The following PGM5 variants were observed in gnomAD, a reference collection of about 807,000 sequenced individuals.
PGM5 encodes the protein phosphoglucomutase 5.
A neutral mutation model predicts 59.2 loss-of-function variants in PGM5; 23 were observed. The ratio of observed to expected loss-of-function variants is 0.39; its 90% confidence interval spans 0.28 to 0.55. PGM5 has a LOEUF of 0.55. Among genes scored for constraint, PGM5 ranks in the 20% least tolerant of loss-of-function variants. The probability of loss-of-function intolerance (pLI) is 0.66; values close to 1 mark genes in which losing one functional copy is unlikely to be tolerated. For missense variants in PGM5, 574 were observed against 748.3 expected, an observed-to-expected ratio of 0.77 and a Z score of 2.72; for synonymous variants, 214 against 286.0, an observed-to-expected ratio of 0.75 and a Z score of 2.54.
intron 10 of PGM5, among the ~76,000 whole-genome samples, chr9:68,517,769 G>A (rs568672513): frequency 6.6e-6 from 1 of 152,252 alleles, no homozygotes; most frequent in South Asian, 2.1e-4. Context: ...TAGTAGTGGT[G>A]GACTAGGTGA....
chr9:68,429,260 G>T (rs1823302827), intron 6 of PGM5: 1 of 152,172 alleles, frequency 6.6e-6, no homozygotes, highest in Non-Finnish European at 1.5e-5. Context: ...TTAATTCTCT[G>T]CTTCGGATAT....
In PGM5 at chr9:68,387,708, T is replaced by C. The variant is rs542074588; in HGVS notation, c.697+120T>C. The C allele has an allele frequency of 5.3e-6, 5 of 942,576 alleles. No homozygotes were observed. In the South Asian group the frequency reaches 6.8e-5, roughly 13 times the overall value. The allele number at this position is 942,576 out of a possible 1,614,324, so 58.4% of individuals were successfully genotyped here. A position where few individuals can be genotyped will look rare whatever the true frequency, so the allele number is the denominator to read the frequency against. ...AGATATTCACACAACATGTGTATGTTCAGATATTTGGAATGCTCTGGAAAA... is the reference window on the plus strand; with the variant it reads ...AGATATTCACACAACATGTGTATGTCCAGATATTTGGAATGCTCTGGAAAA... On this transcript the variant is annotated intron_variant, in intron 4 of 10. Coordinates refer to ENST00000396396, the MANE Select transcript of PGM5 (RefSeq NM_021965.4).
In PGM5 at chr9:68,529,931, T is replaced by G. The variant is rs890974625; in HGVS notation, c.*275T>G. 1.4e-5 allele frequency: 4 copies of G among 292,554 alleles called. No homozygotes were observed. The highest frequency in any genetic ancestry group is 2.3e-5 in the African/African-American group (1 of 44,262). 18.1% of individuals were successfully genotyped at this position (292,554 alleles called of 1,614,324 possible). On this transcript the variant is annotated 3_prime_UTR_variant, in exon 11 of 11. Transcript: ENST00000396396. ...TATCACACAAAGGAACCTCCCCTTT[T>G]GACAACAACTGGGCTAGGCAGCTGT...
intron 10 of PGM5, among the ~76,000 whole-genome samples, chr9:68,515,556 T>C (rs1238906927): frequency 6.6e-6 from 1 of 152,220 alleles, no homozygotes; most frequent in Non-Finnish European, 1.5e-5. Context: ...GCAACTGCAA[T>C]CTGATTGTAC....
intron 10 of PGM5, among the ~76,000 whole-genome samples, chr9:68,525,402 C>T (rs975591180): frequency 3.3e-5 from 5 of 152,150 alleles, no homozygotes; most frequent in Non-Finnish European, 5.9e-5. Flanking sequence ...CTGTCATGCA[C>T]GGCGTAGTGA....
chr9:68,364,707 G>A (rs1199256720), intron 1 of PGM5, among the ~76,000 whole-genome samples: 2 of 152,064 alleles, frequency 1.3e-5, no homozygotes, highest in African/African-American at 4.8e-5. Flanking sequence ...AAACTTACAG[G>A]AGCCCTTGGC....
chr9:68,528,321 T>C (rs562344760), intron 10 of PGM5, among the ~76,000 whole-genome samples: 1 of 152,218 alleles, frequency 6.6e-6, no homozygotes, highest in Admixed American at 6.5e-5. Context: ...CATAGTTCAC[T>C]GTAACCTTGA....
chr9:68,525,226 C>G (rs1587234929), intron 10 of PGM5, among the ~76,000 whole-genome samples: 2 of 152,276 alleles, frequency 1.3e-5, no homozygotes, highest in South Asian at 2.1e-4. Context: ...TCCAGGAATG[C>G]CCACAGGAGT....
intron 6 of PGM5, among the ~76,000 whole-genome samples, chr9:68,411,358 C>G (rs559087130): frequency 2.0e-5 from 3 of 150,750 alleles, no homozygotes; most frequent in East Asian, 3.9e-4. Context: ...CATACAGCGA[C>G]CCTATCTCTT....
At chr9:68,488,517 T>C (rs1824334582) in intron 9 of PGM5, among the ~76,000 whole-genome samples, 1 of 152,216 alleles carries the variant, frequency 6.6e-6, no homozygotes, top group Non-Finnish European at 1.5e-5. Flanking sequence ...TATGGGACCA[T>C]TCAAGGAGCA....
chr9:68,528,854 TGTGA>T (rs1564030320), intron 10 of PGM5, among the ~76,000 whole-genome samples: 1 of 152,158 alleles, frequency 6.6e-6, no homozygotes, highest in Admixed American at 6.5e-5. Flanking sequence ...TGAAAATCAT[TGTGA>T]GTGTTGCATG....
At chr9:68,485,698 T>C (rs1204248470) in intron 9 of PGM5, among the ~76,000 whole-genome samples, 4 of 152,188 alleles carry the variant, frequency 2.6e-5, no homozygotes, top group Non-Finnish European at 4.4e-5. Context: ...CTGAGCTCAA[T>C]TGTAGCTATA....
chr9:68,406,659 GGT>G (rs1822816251), intron 6 of PGM5, among the ~76,000 whole-genome samples: 5 of 61,542 alleles, frequency 8.1e-5, no homozygotes, highest in Admixed American at 2.5e-4. Flanking sequence ...GATTAAATTA[GGT>G]ATATATATAT....
intron 7 of PGM5, among the ~76,000 whole-genome samples, chr9:68,468,051 T>A (rs1823963509): frequency 1.3e-5 from 2 of 151,508 alleles, no homozygotes; most frequent in Admixed American, 6.6e-5. Context: ...CTTTCTTGGC[T>A]CAGGTGCACA....
chr9:68,359,684 T>C (rs1834541394), intron 1 of PGM5, among the ~76,000 whole-genome samples: 1 of 152,246 alleles, frequency 6.6e-6, no homozygotes, highest in African/African-American at 2.4e-5. Flanking sequence ...TCTTTTTTGA[T>C]ATCCTATTGG....
intron 6 of PGM5, among the ~76,000 whole-genome samples, chr9:68,393,477 G>A (rs538037694): frequency 9.9e-5 from 15 of 152,124 alleles, no homozygotes; most frequent in East Asian, 1.9e-4. Flanking sequence ...CGGGCGTGGC[G>A]ACTCACACCT....
At chr9:68,496,538 T>C (rs1824486026) in intron 9 of PGM5, among the ~76,000 whole-genome samples, 1 of 152,212 alleles carries the variant, frequency 6.6e-6, no homozygotes, top group African/African-American at 2.4e-5. Flanking sequence ...CTGGACCATT[T>C]CCAGTAGGCT....
At chr9:68,447,318 T>C (rs1554684067) in intron 6 of PGM5, among the ~76,000 whole-genome samples, 5 of 152,210 alleles carry the variant, frequency 3.3e-5, no homozygotes. Context: ...CTGTTGTGAA[T>C]TATAATGATG....
chr9:68,404,936 C>A (rs1349155181), intron 6 of PGM5: 1 of 152,192 alleles, frequency 6.6e-6, no homozygotes, highest in Non-Finnish European at 1.5e-5. Flanking sequence ...TCCAGCAGCT[C>A]ACATGATACT....
Sources: gnomAD v4.1 joint callset for allele counts (sites outside exome capture counted in the v4.1 genomes callset) on GRCh38, gnomAD v4.1.1 for gene constraint, MANE v1.5 for transcripts, NCBI Gene and HGNC (gene_info 2026-07-23, HGNC 2026-07-21) for gene names.